Variants in ATP6V1D observed in about 807,000 individuals in gnomAD.
ATP6V1D encodes the protein V-type proton ATPase subunit D.
Under a neutral mutation model 39.4 loss-of-function variants are expected in ATP6V1D, and 20 were observed. The ratio of observed to expected loss-of-function variants is 0.51; its 90% CI spans 0.36 to 0.74. The LOEUF is 0.74. Among genes scored for constraint, ATP6V1D ranks in the 30% least tolerant of loss-of-function variants. ATP6V1D has a pLI of 0.00. For missense variants in ATP6V1D, 228 were observed against 291.6 expected (o/e 0.78, Z 1.59); for synonymous variants, 100 against 100.5 (o/e 0.99, Z 0.03).
chr14:67,340,488 G>A lies in ATP6V1D; in HGVS notation c.554C>T (p.Ala185Val), dbSNP rs369607221. ...CTCATCCAGCTCTGTGATGATATAA[G>A]CAAGAGTACGTTCAATCCGGGGAAT... ...VIIPRIERTL[A>V]YIITELDERE... Residue 185 changes from alanine (A) to valine (V), a missense_variant, in exon 8 of 9, where the codon GCT becomes GTT. Coordinates refer to ENST00000216442, the MANE Select transcript of ATP6V1D (RefSeq NM_015994.4). 1 of 1,613,184 alleles carries A rather than the reference G, an allele frequency of 6.2e-7. No individual in the cohort carries two copies. Among genetic ancestry groups the A allele is most frequent in the Non-Finnish European group, 8.5e-7 (1 of 1,179,778 alleles).
chr14:67,355,919 G>A (rs919492063), intron 1 of ATP6V1D, among the ~76,000 whole-genome samples: 4 of 152,036 alleles, frequency 2.6e-5, no homozygotes, highest in Non-Finnish European at 4.4e-5. Flanking sequence ...AGGACTGATT[G>A]AGCCCAGGAG....
At chr14:67,339,293 A>G (rs57154550) in intron 8 of ATP6V1D, among the ~76,000 whole-genome samples, 39,284 of 152,060 alleles carry the variant, frequency 0.26, 9,372 homozygotes, top group African/African-American at 0.6. Context: ...CACCGAGCCC[A>G]GCCTAGAAGC....
chr14:67,338,451 G>T lies in ATP6V1D; in HGVS notation c.*170C>A. 1 of 690,912 alleles carries T rather than the reference G, an allele frequency of 1.4e-6. No individual in the cohort carries two copies. Among genetic ancestry groups the T allele is most frequent in the Non-Finnish European group, 2.3e-6 (1 of 430,282 alleles). The allele number at this position is 690,912 out of a possible 1,614,324, so 42.8% of individuals were successfully genotyped here. On this transcript the variant is annotated 3_prime_UTR_variant, in exon 9 of 9. Transcript: ENST00000216442. ...TCTCTTTCATCCATGATAAATGGTTGCTAAATTATGATTCTGCAAAAGTAA... is the reference window on the plus strand; with the variant it reads ...TCTCTTTCATCCATGATAAATGGTTTCTAAATTATGATTCTGCAAAAGTAA...
In ATP6V1D at chr14:67,338,498, TA is replaced by T; in HGVS notation, c.*122del. 9.3e-7 allele frequency: 1 copy of T among 1,077,910 alleles called. No homozygotes were observed. The allele number at this position is 1,077,910 out of a possible 1,614,324, so 66.8% of individuals were successfully genotyped here. ...GTAATCCCATAAATAGACATCTAGGTAAATTTTACAACCAGTGAAATTCTTA... is the reference window on the plus strand; with the variant it reads ...GTAATCCCATAAATAGACATCTAGGTAATTTTACAACCAGTGAAATTCTTA... On this transcript the variant is annotated 3_prime_UTR_variant, in exon 9 of 9. Transcript: ENST00000216442.
intron 6 of ATP6V1D, among the ~76,000 whole-genome samples, chr14:67,344,718 A>T (rs2085608668): frequency 6.6e-6 from 1 of 151,770 alleles, no homozygotes; most frequent in African/African-American, 2.4e-5. Context: ...ATCTCAACTA[A>T]AAAATTCAAA....
intron 1 of ATP6V1D, among the ~76,000 whole-genome samples, chr14:67,355,436 T>A (rs1421231312): frequency 3.8e-5 from 2 of 53,250 alleles, no homozygotes; most frequent in South Asian, 6.0e-4. Context: ...GATGTAGAAG[T>A]AAGACCCTGT....
In ATP6V1D at chr14:67,350,701, A is replaced by T. The variant is rs1326860593; in HGVS notation, c.160-11T>A. On this transcript the variant is annotated splice_polypyrimidine_tract_variant and intron_variant, in intron 2 of 8. Transcript: ENST00000216442. The stretch of plus-strand genomic sequence containing the variant: ...CATCAACATTTTAGTCTGGAAAAGC[A>T]TAAACCAACAGCAGATTCAACCAAG... The T allele has an allele frequency of 1.1e-5, 17 of 1,611,720 alleles. No homozygotes were observed. The highest frequency in any genetic ancestry group is 1.3e-5 in the African/African-American group (1 of 74,882).
chr14:67,344,362 A>T (rs1484257695), intron 6 of ATP6V1D, among the ~76,000 whole-genome samples: 1 of 152,130 alleles, frequency 6.6e-6, no homozygotes, highest in African/African-American at 2.4e-5. Context: ...TTATCAAATC[A>T]TTTCTGCTTC....
chr14:67,341,501 G>T (rs1042123097), intron 7 of ATP6V1D, among the ~76,000 whole-genome samples: 1 of 151,780 alleles, frequency 6.6e-6, no homozygotes, highest in Admixed American at 6.6e-5. Context: ...CGCCCCGTCC[G>T]GGAGGGAGGT....
chr14:67,349,312 C>G (rs1172495192), intron 3 of ATP6V1D, among the ~76,000 whole-genome samples: 2 of 152,202 alleles, frequency 1.3e-5, no homozygotes, highest in Non-Finnish European at 2.9e-5. Context: ...ATATTCAAAA[C>G]ATTAGCAGTA....
At chr14:67,346,706 T>G (rs953285470) in intron 5 of ATP6V1D, among the ~76,000 whole-genome samples, 1 of 152,226 alleles carries the variant, frequency 6.6e-6, no homozygotes, top group African/African-American at 2.4e-5. Flanking sequence ...GACAGTTATT[T>G]AAAAAGTGGA....
chr14:67,347,518 T>TTTTA (rs2085628027), intron 4 of ATP6V1D, 65 bp from the exon 5 acceptor site: 2 of 1,102,354 alleles, frequency 1.8e-6, no homozygotes, highest in Admixed American at 2.1e-5. Flanking sequence ...TTTTTTTTTC[T>TTTTA]GAGACGGAGT....
At chr14:67,358,756 T>C (rs1237160789) in intron 1 of ATP6V1D, among the ~76,000 whole-genome samples, 2 of 152,200 alleles carry the variant, frequency 1.3e-5, no homozygotes, top group African/African-American at 2.4e-5. Flanking sequence ...AGGGAGCAAG[T>C]TGTTAGGCAC....
At chr14:67,347,267 A>T in intron 5 of ATP6V1D, 142 bp downstream of exon 5, 1 of 665,912 alleles carries the variant, frequency 1.5e-6, no homozygotes, top group Non-Finnish European at 2.6e-6. Context: ...CTGATCAACT[A>T]TTGTCCTGAC....
intron 1 of ATP6V1D, among the ~76,000 whole-genome samples, chr14:67,359,182 C>G (rs1365338026): frequency 6.6e-6 from 1 of 152,178 alleles, no homozygotes; most frequent in African/African-American, 2.4e-5. Context: ...TAGGGCGATT[C>G]GATTCCATCC....
rs781650138 is a variant in ATP6V1D, at chr14:67,352,948, C to T, written c.134G>A (p.Arg45Gln). ...CTCTATTATCTTCTTTAGGATCTGT[C>T]GAAATCGAAGAGTTAAGGCATCAGA... ...KKSDALTLRF[R>Q]QILKKIIETK... The change falls in exon 2 of 9, where the codon CGA becomes CAA. Residue 45 changes from arginine to glutamine, a missense_variant. Physicochemically the swap from Arg to Gln is conservative, Grantham distance 43. Around this residue, in one of 3 missense-constraint regions of ATP6V1D, gnomAD observed 104 missense variants for 120.2 expected, o/e 0.87. Coordinates refer to ENST00000216442, the MANE Select transcript of ATP6V1D (RefSeq NM_015994.4). The T allele has an allele frequency of 6.2e-6, 10 of 1,611,808 alleles. No individual in the cohort carries two copies. Among genetic ancestry groups the T allele is most frequent in the South Asian group, 2.2e-5 (2 of 90,940 alleles).
intron 6 of ATP6V1D, among the ~76,000 whole-genome samples, chr14:67,344,839 A>G (rs1225013110): frequency 6.6e-6 from 1 of 151,866 alleles, no homozygotes; most frequent in Non-Finnish European, 1.5e-5. Context: ...CAAGATCGCA[A>G]CACTGCACTC....
At chr14:67,355,077 G>A (rs753999063) in intron 1 of ATP6V1D, among the ~76,000 whole-genome samples, 12 of 152,094 alleles carry the variant, frequency 7.9e-5, no homozygotes, top group South Asian at 2.1e-4. Flanking sequence ...CTCACAAAGT[G>A]CTAGGATTAC....
chr14:67,355,092 A>G (rs2085676891), intron 1 of ATP6V1D, among the ~76,000 whole-genome samples: 1 of 152,142 alleles, frequency 6.6e-6, no homozygotes, highest in South Asian at 2.1e-4. Context: ...GATTACAGGC[A>G]TGAGCCACCG....
Sources: gnomAD v4.1 joint callset for allele counts (sites outside exome capture counted in the v4.1 genomes callset) on GRCh38, gnomAD v4.1.1 for gene constraint, gnomAD v4.1.1 regional missense constraint, MANE v1.5 for transcripts, NCBI Gene and HGNC (gene_info 2026-07-23, HGNC 2026-07-21) for gene names.